The following KCNIP1 variants were observed in gnomAD, a reference collection of about 807,000 sequenced individuals.
The protein encoded by KCNIP1 is potassium voltage-gated channel interacting protein 1.
A neutral mutation model predicts 33.0 loss-of-function variants in KCNIP1; 18 were observed. That is an observed-to-expected ratio of 0.55 (90% CI 0.38 to 0.81). The LOEUF is 0.81. KCNIP1 is among the 30% of genes least tolerant of loss of function. The pLI, the probability that KCNIP1 is intolerant of heterozygous loss-of-function variation, is 0.00. For synonymous variants in KCNIP1, 93 were observed against 98.3 expected (o/e 0.95, Z 0.32); for missense variants, 238 against 271.6 (o/e 0.88, Z 0.87).
intron 1 of KCNIP1, among the ~76,000 whole-genome samples, chr5:170,598,507 G>C (rs1436190886): frequency 6.6e-6 from 1 of 152,124 alleles, no homozygotes; most frequent in African/African-American, 2.4e-5. Context: ...CCCGGACAAG[G>C]TACCTACCCT....
chr5:170,390,493 A>G (rs1764674221), intron 1 of KCNIP1, among the ~76,000 whole-genome samples: 1 of 120,510 alleles, frequency 8.3e-6, no homozygotes, highest in Admixed American at 9.1e-5. Context: ...ACAGAGCGAG[A>G]CCCCGTCTCA....
At chr5:170,655,803 C>T (rs946310430) in intron 1 of KCNIP1, among the ~76,000 whole-genome samples, 1 of 152,158 alleles carries the variant, frequency 6.6e-6, no homozygotes, top group Non-Finnish European at 1.5e-5. Flanking sequence ...ACCATGTTCC[C>T]GCTGTGGGGG....
chr5:170,664,116 T>A (rs547881515), intron 1 of KCNIP1, among the ~76,000 whole-genome samples: 1 of 152,236 alleles, frequency 6.6e-6, no homozygotes, highest in African/African-American at 2.4e-5. Context: ...GCCCTGCCTA[T>A]GTCTCCAGCC....
chr5:170,735,565 T>C (rs933738349), intron 7 of KCNIP1, among the ~76,000 whole-genome samples, 194 bp from the exon 8 acceptor site: 4 of 152,244 alleles, frequency 2.6e-5, no homozygotes, highest in African/African-American at 7.2e-5. Flanking sequence ...TGAATTCCTC[T>C]TTAAGGCTAC....
At chr5:170,465,274 T>C (rs910200565) in intron 1 of KCNIP1, among the ~76,000 whole-genome samples, 18 of 152,204 alleles carry the variant, frequency 1.2e-4, no homozygotes, top group Admixed American at 3.9e-4. Flanking sequence ...AATGTGAACA[T>C]GATTCTGCAA....
intron 1 of KCNIP1, among the ~76,000 whole-genome samples, chr5:170,428,788 G>T (rs1049210085): frequency 5.3e-5 from 8 of 152,082 alleles, no homozygotes; most frequent in African/African-American, 1.9e-4. Flanking sequence ...ATGCCCCTTT[G>T]ATCAAAGCCT....
At chr5:170,468,515 C>T (rs997038414) in intron 1 of KCNIP1, among the ~76,000 whole-genome samples, 2 of 151,900 alleles carry the variant, frequency 1.3e-5, no homozygotes, top group Non-Finnish European at 2.9e-5. Context: ...ACAAAGAAAC[C>T]TTTCATCAAT....
At chr5:170,370,277 C>T (rs1403634818) in intron 1 of KCNIP1, among the ~76,000 whole-genome samples, 2 of 151,976 alleles carry the variant, frequency 1.3e-5, no homozygotes, top group Non-Finnish European at 2.9e-5. Flanking sequence ...TGTGAAGCAT[C>T]TTTTATGCAC....
chr5:170,503,723 A>ATC, upstream of KCNIP1, among the ~76,000 whole-genome samples: 1 of 72,314 alleles, frequency 1.4e-5, no homozygotes, highest in South Asian at 4.5e-4. Context: ...ACGCACGCAC[A>ATC]TCACACACAC....
At chr5:170,549,304 CCTT>C (rs1756520791) in intron 1 of KCNIP1, among the ~76,000 whole-genome samples, 1 of 152,114 alleles carries the variant, frequency 6.6e-6, no homozygotes, top group Non-Finnish European at 1.5e-5. Context: ...GAGAAAACCT[CCTT>C]CGTTTTTTTA....
At chr5:170,521,426 CTA>C (rs1336208436) in intron 1 of KCNIP1, among the ~76,000 whole-genome samples, 3 of 152,192 alleles carry the variant, frequency 2.0e-5, no homozygotes, top group African/African-American at 7.2e-5. Flanking sequence ...GTGTATGTTT[CTA>C]TGTTTGTGTA....
At chr5:170,718,217 A>G (rs1763698965) in intron 1 of KCNIP1, among the ~76,000 whole-genome samples, 1 of 152,250 alleles carries the variant, frequency 6.6e-6, no homozygotes. Flanking sequence ...AGTAGACATT[A>G]CAAAACAATA....
At chr5:170,379,966 A>G (rs1764176021) in intron 1 of KCNIP1, among the ~76,000 whole-genome samples, 1 of 151,808 alleles carries the variant, frequency 6.6e-6, no homozygotes, top group South Asian at 2.1e-4. Context: ...AAAAAAAAAA[A>G]GTAAAATATT....
intron 1 of KCNIP1, among the ~76,000 whole-genome samples, chr5:170,549,175 A>G (rs1056092545): frequency 6.6e-6 from 1 of 152,258 alleles, no homozygotes; most frequent in Non-Finnish European, 1.5e-5. Flanking sequence ...AGCGTATGCT[A>G]TACATGAGCC....
At chr5:170,469,906 A>C (rs1365887467) in intron 1 of KCNIP1, among the ~76,000 whole-genome samples, 1 of 152,204 alleles carries the variant, frequency 6.6e-6, no homozygotes, top group African/African-American at 2.4e-5. Context: ...CATAAATAAC[A>C]ATTCTTTCAA....
intron 1 of KCNIP1, among the ~76,000 whole-genome samples, chr5:170,689,190 G>A (rs907016813): frequency 5.3e-5 from 8 of 152,242 alleles, no homozygotes; most frequent in African/African-American, 1.2e-4. Context: ...TCATTCATTC[G>A]TTCATTCATT....
At chr5:170,378,124 T>C (rs1448892036) in intron 1 of KCNIP1, 2 of 152,226 alleles carry the variant, frequency 1.3e-5, no homozygotes, top group Non-Finnish European at 2.9e-5. Flanking sequence ...ATCCCACCGC[T>C]AAAATTTTGA....
upstream of KCNIP1, among the ~76,000 whole-genome samples, chr5:170,499,548 T>G (rs1405682352): frequency 6.6e-6 from 1 of 152,202 alleles, no homozygotes; most frequent in Non-Finnish European, 1.5e-5. Context: ...GCAAGCTCAG[T>G]GTTTGAACCC....
chr5:170,649,003 A>C (rs1201692979), intron 1 of KCNIP1, among the ~76,000 whole-genome samples: 1 of 152,238 alleles, frequency 6.6e-6, no homozygotes, highest in Admixed American at 6.5e-5. Context: ...TAAGAAATTT[A>C]ATAAAGAATT....
Sources: allele counts gnomAD v4.1 joint callset (sites outside exome capture counted in the v4.1 genomes callset), GRCh38; gene constraint gnomAD v4.1.1; transcripts MANE v1.5; gene names NCBI Gene and HGNC (gene_info 2026-07-23, HGNC 2026-07-21).